The following TTC27 variants were observed in gnomAD, a reference collection of about 807,000 sequenced individuals.
The protein encoded by TTC27 is tetratricopeptide repeat domain 27, also known as tetratricopeptide repeat protein 27.
In TTC27, 79 loss-of-function variants were observed where a neutral mutation model predicts 115.9. That is an observed-to-expected ratio of 0.68 (90% CI 0.57 to 0.82). The LOEUF (loss-of-function observed/expected upper bound fraction) is 0.82, where lower values mean the gene tolerates loss of function less well. Among genes scored for constraint, TTC27 ranks in the 40% least tolerant of loss-of-function variants. The pLI, the probability that TTC27 is intolerant of heterozygous loss-of-function variation, is 0.00. For missense variants in TTC27, 1,054 were observed against 993.1 expected, an observed-to-expected ratio of 1.06 and a Z score of -0.82; for synonymous variants, 401 against 356.0, an observed-to-expected ratio of 1.13 and a Z score of -1.42.
chr2:32,721,708 AC>A (rs1667934530), intron 10 of TTC27, among the ~76,000 whole-genome samples: 1 of 39,422 alleles, frequency 2.5e-5, no homozygotes, highest in Non-Finnish European at 5.0e-5. Context: ...TCACTGGAGT[AC>A]AGTGGAATGA....
chr2:32,663,297 G>C (rs1331467917), intron 5 of TTC27, among the ~76,000 whole-genome samples: 1 of 152,196 alleles, frequency 6.6e-6, no homozygotes, highest in Non-Finnish European at 1.5e-5. Context: ...CCAGGGCCCT[G>C]GTGGTGTAGG....
intron 10 of TTC27, among the ~76,000 whole-genome samples, chr2:32,708,604 G>A (rs530294634): frequency 3.0e-4 from 45 of 151,878 alleles, no homozygotes; most frequent in Non-Finnish European, 4.7e-4. Context: ...CACTGCGCCC[G>A]GCCTCTTTTT....
chr2:32,734,197 A>T (rs931881797), intron 11 of TTC27, among the ~76,000 whole-genome samples: 10 of 152,144 alleles, frequency 6.6e-5, no homozygotes, highest in African/African-American at 2.4e-4. Context: ...TTTTGAAAGT[A>T]ACTTCTTTTT....
At chr2:32,687,795 C>T (rs1470147515) in intron 9 of TTC27, among the ~76,000 whole-genome samples, 1 of 152,072 alleles carries the variant, frequency 6.6e-6, no homozygotes, top group South Asian at 2.1e-4. Context: ...AATGGCTCCA[C>T]AGTACATGAA....
At chr2:32,797,970 A>G (rs1252210131) in intron 16 of TTC27, among the ~76,000 whole-genome samples, 7 of 152,128 alleles carry the variant, frequency 4.6e-5, no homozygotes, top group Non-Finnish European at 1.0e-4. Context: ...TTGAATAGAC[A>G]TTTCTCCAGA....
At chr2:32,639,373 G>A (rs1664551526) in intron 3 of TTC27, among the ~76,000 whole-genome samples, 1 of 152,082 alleles carries the variant, frequency 6.6e-6, no homozygotes, top group African/African-American at 2.4e-5. Flanking sequence ...CTGTACAACA[G>A]GAGAGTGCAT....
intron 10 of TTC27, among the ~76,000 whole-genome samples, chr2:32,712,488 A>G (rs1274832156): frequency 6.6e-6 from 1 of 152,176 alleles, no homozygotes; most frequent in African/African-American, 2.4e-5. Context: ...CTACCAGTGG[A>G]GTATAAAATA....
At chr2:32,774,696 A>C (rs1423358994) in intron 13 of TTC27, among the ~76,000 whole-genome samples, 1 of 152,120 alleles carries the variant, frequency 6.6e-6, no homozygotes, top group African/African-American at 2.4e-5. Context: ...CACTATTGGT[A>C]ATAGCAGTTT....
intron 8 of TTC27, among the ~76,000 whole-genome samples, chr2:32,675,992 A>G (rs1456220523): frequency 6.6e-6 from 1 of 151,774 alleles, no homozygotes; most frequent in East Asian, 1.9e-4. Flanking sequence ...GGGTTTCACC[A>G]TGTTGGCCAA....
intron 13 of TTC27, among the ~76,000 whole-genome samples, chr2:32,761,555 C>A (rs985059405): frequency 6.6e-6 from 1 of 152,108 alleles, no homozygotes; most frequent in Non-Finnish European, 1.5e-5. Flanking sequence ...CCCCTTTTCT[C>A]ACCCCACATT....
chr2:32,645,289 C>T (rs1488356425), intron 4 of TTC27, among the ~76,000 whole-genome samples: 2 of 152,040 alleles, frequency 1.3e-5, no homozygotes, highest in Non-Finnish European at 2.9e-5. Context: ...AGCTATGTGA[C>T]CTTATGCTAG....
chr2:32,712,458 A>G (rs1410175865), intron 10 of TTC27, among the ~76,000 whole-genome samples: 3 of 152,222 alleles, frequency 2.0e-5, no homozygotes, highest in Non-Finnish European at 2.9e-5. Flanking sequence ...TTCTTCAGTA[A>G]TCATTTACAC....
At chr2:32,669,760 C>T (rs1665938224) in intron 7 of TTC27, among the ~76,000 whole-genome samples, 1 of 151,426 alleles carries the variant, frequency 6.6e-6, no homozygotes, top group Middle Eastern at 3.4e-3. Context: ...GTGGTGTGTG[C>T]CTGTAATTCC....
intron 9 of TTC27, among the ~76,000 whole-genome samples, chr2:32,691,439 C>G (rs951151351): frequency 4.0e-5 from 6 of 151,784 alleles, no homozygotes; most frequent in Non-Finnish European, 8.8e-5. Flanking sequence ...GCTGGGATTA[C>G]AGGCACACGC....
At chr2:32,799,266 T>A (rs973873180) in intron 16 of TTC27, among the ~76,000 whole-genome samples, 1 of 152,046 alleles carries the variant, frequency 6.6e-6, no homozygotes, top group East Asian at 1.9e-4. Context: ...TGGGGTAGAG[T>A]TTCAGTTTTA....
chr2:32,707,633 T>C (rs1240006987), intron 10 of TTC27, among the ~76,000 whole-genome samples: 3 of 152,234 alleles, frequency 2.0e-5, no homozygotes, highest in Non-Finnish European at 4.4e-5. Context: ...ATGAAGTATA[T>C]TTTATTAATT....
intron 5 of TTC27, among the ~76,000 whole-genome samples, chr2:32,650,679 T>C (rs1408053066): frequency 1.3e-5 from 2 of 152,132 alleles, no homozygotes; most frequent in African/African-American, 4.8e-5. Context: ...CTATATCCTA[T>C]TGAGTACATC....
chr2:32,756,177 A>C (rs1035643232), intron 12 of TTC27, among the ~76,000 whole-genome samples: 10 of 152,236 alleles, frequency 6.6e-5, no homozygotes, highest in African/African-American at 2.2e-4. Flanking sequence ...AACTGGCTAA[A>C]GCAGAAAGGA....
intron 16 of TTC27, among the ~76,000 whole-genome samples, chr2:32,802,295 T>G (rs991419966): frequency 4.6e-5 from 7 of 151,806 alleles, no homozygotes; most frequent in Admixed American, 6.5e-5. Context: ...TTTTTTAAAG[T>G]TACCAATTTT....
Sources: allele counts gnomAD v4.1 joint callset (sites outside exome capture counted in the v4.1 genomes callset), GRCh38; gene constraint gnomAD v4.1.1; transcripts MANE v1.5; gene names NCBI Gene and HGNC (gene_info 2026-07-23, HGNC 2026-07-21).